The following ADAM7 variants were observed in gnomAD, a reference collection of about 807,000 sequenced individuals.
The protein encoded by ADAM7 is disintegrin and metalloproteinase domain-containing protein 7.
Under a neutral mutation model 102.9 loss-of-function variants are expected in ADAM7, and 97 were observed. The observed-to-expected ratio is 0.94, with a 90% CI of 0.80 to 1.12. ADAM7 has a LOEUF of 1.12. Ranked by LOEUF, ADAM7 falls within the 50% of genes most tolerant of loss-of-function variation. ADAM7 has a pLI of 0.00. For synonymous variants in ADAM7, 334 were observed against 304.4 expected (o/e 1.10, Z -1.01); for missense variants, 991 against 908.7 (o/e 1.09, Z -1.16).
intron 20 of ADAM7, among the ~76,000 whole-genome samples, chr8:24,502,018 A>T (rs1430297749): frequency 7.3e-6 from 1 of 137,736 alleles, no homozygotes; most frequent in African/African-American, 2.5e-5. Flanking sequence ...CTCCCTCTCC[A>T]CTAAAAATAT....
chr8:24,482,281 G>A lies in ADAM7; in HGVS notation c.845G>A (p.Arg282Gln), dbSNP rs1270431608. 1.4e-5 allele frequency: 23 copies of A among 1,610,804 alleles called. No individual in the cohort carries two copies. Among genetic ancestry groups the A allele is most frequent in the Middle Eastern group, 1.6e-4 (1 of 6,062 alleles). The change falls in exon 9 of 22, where the codon CGG (arginine) becomes CAG (glutamine). Residue 282 changes from arginine to glutamine, a missense_variant. Arg to Gln is a conservative substitution (Grantham distance 43). Transcript: ENST00000175238. ...SFWQEKILKT[R>Q]KDFDHVVLLS... is the part of the protein sequence containing the mutation. ...TGGCAAGAAAAGATCCTTAAAACAC[G>A]GAAGGATTTTGATCATGTTGTATTA...
At position 24,509,453 on chromosome 8, in the gene ADAM7, G is replaced by C; in HGVS notation, c.*907G>C. 1 of 985,198 alleles carries C rather than the reference G, an allele frequency of 1.0e-6. No individual in the cohort carries two copies. The highest frequency in any genetic ancestry group is 1.1e-4 in the East Asian group (1 of 8,812). The allele number at this position is 985,198 out of a possible 1,614,324, so 61.0% of individuals were successfully genotyped here. ...GTCCTCTATTTTCTTCTTGTGAACT[G>C]TTAAAGCTACATGCATTATTTTTTT... On this transcript the variant is annotated 3_prime_UTR_variant, in exon 22 of 22. Transcript: ENST00000175238.
chr8:24,442,294 G>A (rs1818402151), intron 1 of ADAM7, among the ~76,000 whole-genome samples, 179 bp from the exon 2 acceptor site: 2 of 152,160 alleles, frequency 1.3e-5, no homozygotes, highest in African/African-American at 4.8e-5. Context: ...ATATTCTCCT[G>A]ATTTGTAAAT....
At chr8:24,463,698 CCA>C (rs1170263377) in intron 3 of ADAM7, among the ~76,000 whole-genome samples, 182 bp from the exon 4 acceptor site, 17 of 152,124 alleles carry the variant, frequency 1.1e-4, no homozygotes, top group African/African-American at 4.1e-4. Flanking sequence ...TCTTTATGAA[CCA>C]TGATATTTAA....
At chr8:24,454,071 C>A (rs1818907925) in intron 3 of ADAM7, among the ~76,000 whole-genome samples, 1 of 152,164 alleles carries the variant, frequency 6.6e-6, no homozygotes, top group South Asian at 2.1e-4. Context: ...CTGGGGGGTG[C>A]CTCCCAGTTA....
At chr8:24,469,815 C>T (rs548118179) in intron 7 of ADAM7, among the ~76,000 whole-genome samples, 7 of 151,910 alleles carry the variant, frequency 4.6e-5, no homozygotes, top group Non-Finnish European at 7.4e-5. Context: ...AAAAGGAAAA[C>T]GTATATACCC....
chr8:24,443,389 T>A (rs912967810), intron 2 of ADAM7, among the ~76,000 whole-genome samples: 10 of 152,240 alleles, frequency 6.6e-5, no homozygotes, highest in Admixed American at 5.2e-4. Flanking sequence ...CACTGAGATC[T>A]GTTTCCTATG....
intron 3 of ADAM7, among the ~76,000 whole-genome samples, chr8:24,457,442 A>T (rs1819076028): frequency 1.3e-5 from 2 of 151,892 alleles, no homozygotes; most frequent in Admixed American, 6.6e-5. Flanking sequence ...TGACTGGCAA[A>T]TTTTTTGTAT....
At position 24,475,699 on chromosome 8, in the gene ADAM7, T is replaced by C. The variant is rs80046918; in HGVS notation, c.634-734T>C. On this transcript the variant is annotated intron_variant, in intron 7 of 21. Coordinates refer to ENST00000175238, the MANE Select transcript of ADAM7 (RefSeq NM_003817.4). ...TGGTAACAAGCAGATACTTGCGGGA[T>C]TCAGGAAAGGCAGGTTAATTTCTTA... 9.2e-5 allele frequency among the ~76,000 whole-genome samples: 14 copies of C among 152,218 alleles called. No homozygotes were observed. In the East Asian group the frequency reaches 9.7e-4, roughly 10 times the overall value.
At chr8:24,456,453 T>C (rs1037569259) in intron 3 of ADAM7, among the ~76,000 whole-genome samples, 1 of 152,168 alleles carries the variant, frequency 6.6e-6, no homozygotes, top group Non-Finnish European at 1.5e-5. Context: ...GAGACATCTT[T>C]CCCACATAGT....
intron 3 of ADAM7, among the ~76,000 whole-genome samples, chr8:24,455,140 T>A (rs537834765): frequency 6.6e-6 from 1 of 152,256 alleles, no homozygotes; most frequent in South Asian, 2.1e-4. Context: ...CCAAAAAGTT[T>A]ACTATGATAA....
chr8:24,504,023 AAAAATAAAATAAAATAAAAT>A (rs140673463), intron 20 of ADAM7, among the ~76,000 whole-genome samples: 1 of 145,696 alleles, frequency 6.9e-6, no homozygotes, highest in Non-Finnish European at 1.5e-5. Flanking sequence ...CTTCAAGTAC[AAAAATAAAATAAAATAAAAT>A]AAAATAAAAT....
chr8:24,483,344 G>A (rs1317208271), intron 9 of ADAM7, among the ~76,000 whole-genome samples: 2 of 152,112 alleles, frequency 1.3e-5, no homozygotes, highest in African/African-American at 4.8e-5. Context: ...CCTTTGGAGC[G>A]ATGCCATCTT....
intron 7 of ADAM7, among the ~76,000 whole-genome samples, chr8:24,472,303 A>T (rs1180054633): frequency 6.6e-6 from 1 of 151,940 alleles, no homozygotes; most frequent in Non-Finnish European, 1.5e-5. Context: ...AAGAATATGT[A>T]TTTTTTTCAT....
At chr8:24,458,895 T>C (rs1819137709) in intron 3 of ADAM7, among the ~76,000 whole-genome samples, 1 of 151,900 alleles carries the variant, frequency 6.6e-6, no homozygotes, top group South Asian at 2.1e-4. Context: ...TTGTTCATTA[T>C]ACCTTATATA....
intron 9 of ADAM7, among the ~76,000 whole-genome samples, chr8:24,482,604 C>T (rs1026620584): frequency 6.6e-6 from 1 of 152,032 alleles, no homozygotes; most frequent in African/African-American, 2.4e-5. Context: ...TAAAAATTAG[C>T]TGAGCATGGG....
At position 24,442,582 on chromosome 8, in the gene ADAM7, A is replaced by G. The variant is rs1240375160; in HGVS notation, c.156+6A>G. ...CCCATGATGATGACATACTGGTACAAGTTTTGATTTAGTAAATAAGATTTG... is the reference window on the plus strand; with the variant it reads ...CCCATGATGATGACATACTGGTACAGGTTTTGATTTAGTAAATAAGATTTG... On this transcript the variant is annotated splice_donor_region_variant and intron_variant, in intron 2 of 21. Coordinates refer to ENST00000175238, the MANE Select transcript of ADAM7 (RefSeq NM_003817.4). 3.1e-6 allele frequency: 5 copies of G among 1,604,850 alleles called. No homozygotes were observed. In the African/African-American group the frequency reaches 6.7e-5, roughly 21 times the overall value.
chr8:24,478,481 G>T (rs1316146247), intron 8 of ADAM7, among the ~76,000 whole-genome samples: 2 of 152,156 alleles, frequency 1.3e-5, no homozygotes, highest in Admixed American at 1.3e-4. Flanking sequence ...CTGAAAAGCT[G>T]TAAGCTCCCT....
chr8:24,470,272 A>T (rs532869559), intron 7 of ADAM7, among the ~76,000 whole-genome samples: 6 of 152,186 alleles, frequency 3.9e-5, no homozygotes, highest in Non-Finnish European at 8.8e-5. Flanking sequence ...CTAAAGTATC[A>T]GGCAAGGATA....
Sources: gnomAD v4.1 joint callset for allele counts (sites outside exome capture counted in the v4.1 genomes callset) on GRCh38, gnomAD v4.1.1 for gene constraint, MANE v1.5 for transcripts, NCBI Gene and HGNC (gene_info 2026-07-23, HGNC 2026-07-21) for gene names.